Variants in SLIT3 observed in about 807,000 individuals in gnomAD.
SLIT3 encodes the protein slit guidance ligand 3, also known as slit homolog 3 protein.
Under a neutral mutation model 184.0 loss-of-function variants are expected in SLIT3, and 68 were observed. The ratio of observed to expected loss-of-function variants is 0.37; its 90% CI spans 0.30 to 0.45. The LOEUF is 0.45. SLIT3 is among the 20% of genes least tolerant of loss of function. SLIT3 has a pLI of 1.00. For missense variants in SLIT3, 1,707 were observed against 2,026.0 expected (o/e 0.84, Z 3.02); for synonymous variants, 831 against 828.6 (o/e 1.00, Z -0.05).
rs868472262 is a variant in SLIT3 at position 169,007,055 on chromosome 5, G to T, written c.414-123719C>A. On this transcript the variant is annotated intron_variant, in intron 4 of 35. Transcript: ENST00000519560. The stretch of plus-strand genomic sequence containing the variant: ...CCTGGTGGGAGGTGACTGGATCATG[G>T]GGGCGGTTTACCCCATGCTGTTCTC... 8.5e-5 allele frequency among the ~76,000 whole-genome samples: 13 copies of T among 152,206 alleles called. No homozygotes were observed. In the South Asian group the frequency reaches 2.3e-3, roughly 27 times the overall value.
chr5:168,668,502 G>C (rs968396230), intron 35 of SLIT3, among the ~76,000 whole-genome samples: 1 of 152,212 alleles, frequency 6.6e-6, no homozygotes, highest in African/African-American at 2.4e-5. Flanking sequence ...TCTCCCTGCA[G>C]AGGTCCACTG....
chr5:168,748,505 C>T (rs1754582736), intron 19 of SLIT3, 71 bp from the exon 20 acceptor site: 1 of 1,415,606 alleles, frequency 7.1e-7, no homozygotes, highest in Admixed American at 3.0e-5. Flanking sequence ...GTGAGCAAGG[C>T]TGCGTGTTCT....
At chr5:168,748,172 G>A in intron 20 of SLIT3, 130 bp downstream of exon 20, 1 of 1,063,424 alleles carries the variant, frequency 9.4e-7, no homozygotes, top group Non-Finnish European at 1.3e-6. Flanking sequence ...ATCTTGCTGG[G>A]ATCCATTCAA....
At chr5:169,044,479 G>C (rs2113033807) in intron 4 of SLIT3, among the ~76,000 whole-genome samples, 1 of 149,826 alleles carries the variant, frequency 6.7e-6, no homozygotes, top group Non-Finnish European at 1.5e-5. Flanking sequence ...ATAGAAGTCA[G>C]ACATAAAAGG....
At chr5:168,828,665 A>AAAAAAAAAAAAAAG (rs1444104243) in intron 6 of SLIT3, among the ~76,000 whole-genome samples, 1 of 150,358 alleles carries the variant, frequency 6.7e-6, no homozygotes, top group African/African-American at 2.4e-5. Context: ...ACTCAAAAAA[A>AAAAAAAAAAAAAAG]AAAAAGAAAA....
intron 1 of SLIT3, among the ~76,000 whole-genome samples, chr5:169,287,869 G>A (rs1767211649): frequency 1.3e-5 from 2 of 152,234 alleles, no homozygotes; most frequent in South Asian, 4.1e-4. Flanking sequence ...AGGTCTCCAG[G>A]CACCAGGTGA....
rs1347532938 is a variant in SLIT3, at chr5:168,748,392, T to C, written c.2180A>G (p.Glu727Gly). ...CACTGTCTCCATACAGGTGCACTGC[T>C]CCGGGCAGCGCGGGCTCAGCTGGCA... ...SSCQLSPRCPEQCTCMETVVR... is the reference protein window; with the variant it reads ...SSCQLSPRCPGQCTCMETVVR... The change falls in exon 20 of 36, where the codon GAG becomes GGG. Residue 727 changes from glutamate to glycine, a missense_variant. Coordinates refer to ENST00000519560, the MANE Select transcript of SLIT3 (RefSeq NM_003062.4). 2 of 1,520,872 alleles carry C rather than the reference T, an allele frequency of 1.3e-6. No individual in the cohort carries two copies. Among genetic ancestry groups the C allele is most frequent in the African/African-American group, 1.5e-5 (1 of 68,382 alleles). The allele number at this position is 1,520,872 out of a possible 1,614,324, so 94.2% of individuals were successfully genotyped here.
At chr5:169,232,283 G>T (rs545506759) in intron 3 of SLIT3, among the ~76,000 whole-genome samples, 2 of 152,272 alleles carry the variant, frequency 1.3e-5, no homozygotes, top group South Asian at 4.1e-4. Flanking sequence ...AGGGTGCAGT[G>T]GTGCGATCTT....
rs973579742 is a variant in SLIT3 at position 168,836,260 on chromosome 5, A to T, written c.557+8324T>A. ...AGGCAGGTTTGGCTGTTCAAGAGGA[A>T]CAAGGCTCCCTGGCTTGGAGGTCCA... On this transcript the variant is annotated intron_variant, in intron 6 of 35. Transcript: ENST00000519560. 1.1e-4 allele frequency among the ~76,000 whole-genome samples: 17 copies of T among 152,346 alleles called. No individual in the cohort carries two copies. The South Asian group carries it at 2.1e-3, about 19-fold the overall frequency.
chr5:168,897,646 G>GCGCGCGCGCGCGCGCACA, intron 4 of SLIT3, among the ~76,000 whole-genome samples: 9 of 105,370 alleles, frequency 8.5e-5, no homozygotes, highest in East Asian at 2.2e-4. Context: ...ACAGGTGCAC[G>GCGCGCGCGCGCGCGCACA]TACACACACA....
intron 1 of SLIT3, among the ~76,000 whole-genome samples, chr5:169,262,898 T>C (rs1766246698): frequency 6.6e-6 from 1 of 152,122 alleles, no homozygotes; most frequent in South Asian, 2.1e-4. Context: ...ATGGGCTGAA[T>C]TGTGTGCCTC....
chr5:168,688,570 C>T (rs1197748326), intron 29 of SLIT3, among the ~76,000 whole-genome samples: 1 of 152,218 alleles, frequency 6.6e-6, no homozygotes, highest in Non-Finnish European at 1.5e-5. Context: ...GTGTCCTCGA[C>T]TGGAACAAGT....
chr5:168,747,997 T>G (rs1311841355), intron 20 of SLIT3, among the ~76,000 whole-genome samples: 1 of 151,908 alleles, frequency 6.6e-6, no homozygotes, highest in Admixed American at 6.6e-5. Context: ...GTTTCAGGGG[T>G]GATACGGAAA....
At chr5:169,073,864 A>C in intron 4 of SLIT3, among the ~76,000 whole-genome samples, 1 of 152,092 alleles carries the variant, frequency 6.6e-6, no homozygotes, top group East Asian at 1.9e-4. Flanking sequence ...CACAAAAATA[A>C]ACCTCTTTTA....
intron 6 of SLIT3, among the ~76,000 whole-genome samples, chr5:168,830,052 A>C (rs184103106): frequency 2.0e-5 from 3 of 152,280 alleles, no homozygotes; most frequent in Admixed American, 2.0e-4. Context: ...TGGGACCAGG[A>C]ATCAGGGCCT....
intron 5 of SLIT3, among the ~76,000 whole-genome samples, chr5:168,861,073 T>A (rs1759084378): frequency 6.6e-6 from 1 of 152,186 alleles, no homozygotes; most frequent in Admixed American, 6.5e-5. Flanking sequence ...GGCCACATTT[T>A]TAAAAGGAGA....
At chr5:168,828,820 C>G (rs567580519) in intron 6 of SLIT3, among the ~76,000 whole-genome samples, 10 of 152,276 alleles carry the variant, frequency 6.6e-5, no homozygotes, top group Middle Eastern at 3.4e-3. Context: ...GAGTCTCATG[C>G]AAGTTCGTGT....
intron 4 of SLIT3, among the ~76,000 whole-genome samples, chr5:169,055,671 T>C (rs546388863): frequency 8.5e-5 from 13 of 152,166 alleles, no homozygotes; most frequent in Admixed American, 3.3e-4. Context: ...AAACCCCATC[T>C]CTACTAAAAA....
At chr5:169,231,511 C>T (rs1178523664) in intron 3 of SLIT3, among the ~76,000 whole-genome samples, 4 of 152,184 alleles carry the variant, frequency 2.6e-5, no homozygotes, top group African/African-American at 9.7e-5. Flanking sequence ...CTGAGATTTA[C>T]CATGTGGTTA....
Sources: gnomAD v4.1 joint callset for allele counts (sites outside exome capture counted in the v4.1 genomes callset) on GRCh38, gnomAD v4.1.1 for gene constraint, MANE v1.5 for transcripts, NCBI Gene and HGNC (gene_info 2026-07-23, HGNC 2026-07-21) for gene names.